CACNB2: variants seen among roughly 807,000 people sequenced by gnomAD.
CACNB2 encodes voltage-dependent L-type calcium channel subunit beta-2.
Under a neutral mutation model 73.3 loss-of-function variants are expected in CACNB2, and 42 were observed. The ratio of observed to expected loss-of-function variants is 0.57; its 90% confidence interval spans 0.45 to 0.74. The LOEUF (loss-of-function observed/expected upper bound fraction) is 0.74, where lower values mean the gene tolerates loss of function less well. Ranked by LOEUF, CACNB2 falls within the 30% of genes least tolerant of loss-of-function variation. The pLI, the probability that CACNB2 is intolerant of heterozygous loss-of-function variation, is 0.00. For missense variants in CACNB2, 940 were observed against 853.0 expected (o/e 1.10, Z -1.27); for synonymous variants, 348 against 310.3 (o/e 1.12, Z -1.28).
In CACNB2 at chr10:18,532,693, A is replaced by C. The variant is rs11014692; in HGVS notation, c.1055-1383A>C. ...CTCTGTCTCAAAAAAAAAAAAAAAA[A>C]AAACAAAACAAAAAAACAAACAAAC... On this transcript the variant is annotated intron_variant, in intron 10 of 13. Transcript: ENST00000324631. Among the ~76,000 whole-genome samples, 370 of 81,738 alleles carry C rather than the reference A, an allele frequency of 4.5e-3. 5 individuals are homozygous for C. Among genetic ancestry groups the C allele is most frequent in the African/African-American group, 0.018 (355 of 19,400 alleles). The allele number at this position is 81,738 out of a possible 152,430, so 53.6% of individuals were successfully genotyped here.
chr10:18,173,133 T>A (rs1337312574), intron 2 of CACNB2, among the ~76,000 whole-genome samples: 1 of 152,106 alleles, frequency 6.6e-6, no homozygotes, highest in Admixed American at 6.5e-5. Context: ...TTGGCCAGAC[T>A]GATCTAGACC....
At chr10:18,526,854 CA>C (rs1461881264) in intron 9 of CACNB2, among the ~76,000 whole-genome samples, 2 of 152,118 alleles carry the variant, frequency 1.3e-5, no homozygotes, top group African/African-American at 4.8e-5. Flanking sequence ...TGAACTATGG[CA>C]CAGAGACTAG....
rs1028262583 is a variant in CACNB2 at position 18,359,027 on chromosome 10, A to C, written c.214-42897A>C. On this transcript the variant is annotated intron_variant, in intron 2 of 13. Transcript: ENST00000324631. ...CAGCTTTAATACAGGCCTGAATTTA[A>C]CTGGCAAATAGTGACACAAATTGTC... 4.6e-5 allele frequency among the ~76,000 whole-genome samples: 7 copies of C among 152,138 alleles called. No homozygotes were observed. The South Asian group carries it at 1.2e-3, about 27-fold the overall frequency.
chr10:18,304,241 C>T (rs1228461690), intron 2 of CACNB2, among the ~76,000 whole-genome samples: 3 of 152,170 alleles, frequency 2.0e-5, no homozygotes, highest in African/African-American at 7.2e-5. Context: ...TAGGTGTGAG[C>T]CACTTCACCC....
chr10:18,402,449 G>C (rs2044055887), intron 3 of CACNB2, among the ~76,000 whole-genome samples: 1 of 149,768 alleles, frequency 6.7e-6, no homozygotes. Flanking sequence ...GACTTGAACA[G>C]TTTTTCCCCT....
chr10:18,204,560 T>C (rs1338838179), intron 2 of CACNB2, among the ~76,000 whole-genome samples: 1 of 152,270 alleles, frequency 6.6e-6, no homozygotes, highest in Admixed American at 6.5e-5. Context: ...AAACCTGTCA[T>C]AGGATTCAAA....
intron 2 of CACNB2, among the ~76,000 whole-genome samples, chr10:18,186,628 G>T (rs1195158035): frequency 6.6e-6 from 1 of 152,102 alleles, no homozygotes; most frequent in Non-Finnish European, 1.5e-5. Flanking sequence ...GCAAGCAAGA[G>T]AGGGTGGAGG....
Position 18,150,879 on chromosome 10 carries a change from T to TTTTTTTTTTC in CACNB2, c.121-3_121-2insTTTTTTTTCT, listed in dbSNP as rs769211879. ...TCTTTTTTTTTTTTTTTTTTTTTTTTTAGTCATATGGAAAAGGAGCCAGAA... is the reference window on the plus strand; with the variant it reads ...TCTTTTTTTTTTTTTTTTTTTTTTTTTTTTTTTTTCTAGTCATATGGAAAAGGAGCCAGAA... On this transcript the variant is annotated splice_region_variant and splice_polypyrimidine_tract_variant and intron_variant, in intron 1 of 13. Coordinates refer to ENST00000324631, the MANE Select transcript of CACNB2 (RefSeq NM_201596.3). 1 of 1,232,416 alleles carries TTTTTTTTTTC rather than the reference T, an allele frequency of 8.1e-7. No individual in the cohort carries two copies. Among genetic ancestry groups the TTTTTTTTTTC allele is most frequent in the Non-Finnish European group, 1.1e-6 (1 of 897,058 alleles). 76.3% of individuals were successfully genotyped at this position (1,232,416 alleles called of 1,614,324 possible). A position where few individuals can be genotyped will look rare whatever the true frequency, so the allele number is the denominator to read the frequency against.
At chr10:18,222,074 G>A (rs553032289) in intron 2 of CACNB2, among the ~76,000 whole-genome samples, 24 of 152,300 alleles carry the variant, frequency 1.6e-4, no homozygotes, top group African/African-American at 5.8e-4. Context: ...ACAAGGAAAG[G>A]AAGAACCTGG....
intron 2 of CACNB2, among the ~76,000 whole-genome samples, chr10:18,186,924 G>A (rs2034181173): frequency 6.6e-6 from 1 of 152,186 alleles, no homozygotes; most frequent in African/African-American, 2.4e-5. Flanking sequence ...CGCCCTAGGG[G>A]TTTAATAGTA....
intron 2 of CACNB2, among the ~76,000 whole-genome samples, chr10:18,268,313 G>T (rs766792182): frequency 6.6e-5 from 10 of 152,172 alleles, no homozygotes. Flanking sequence ...TCTCAGAAAA[G>T]TCTAGTCTAG....
At chr10:18,482,198 G>A (rs2048817220) in intron 3 of CACNB2, among the ~76,000 whole-genome samples, 1 of 152,024 alleles carries the variant, frequency 6.6e-6, no homozygotes, top group Non-Finnish European at 1.5e-5. Context: ...TCTCTTATTG[G>A]TTTTTACAGA....
rs954535824 is a variant in CACNB2 at position 18,433,465 on chromosome 10, G to A, written c.333+31422G>A. Among the ~76,000 whole-genome samples, 3 of 152,126 alleles carry A rather than the reference G, an allele frequency of 2.0e-5. No individual in the cohort carries two copies. In the East Asian group the frequency reaches 5.8e-4, roughly 29 times the overall value. On this transcript the variant is annotated intron_variant, in intron 3 of 13. Transcript: ENST00000324631. ...TGATTGTATTGCTGTTGTTATCCAA[G>A]ACCAAGCACTTAGGAAAAATAGCTG...
At chr10:18,311,168 C>T (rs1053807995) in intron 2 of CACNB2, among the ~76,000 whole-genome samples, 2 of 152,088 alleles carry the variant, frequency 1.3e-5, no homozygotes, top group African/African-American at 4.8e-5. Context: ...GGTTTATCTG[C>T]TTATTTTGGA....
intron 12 of CACNB2, among the ~76,000 whole-genome samples, chr10:18,536,981 A>C (rs2053666678): frequency 6.6e-6 from 1 of 152,106 alleles, no homozygotes; most frequent in Non-Finnish European, 1.5e-5. Flanking sequence ...GAGGTATTAG[A>C]GCTTTCCTAG....
rs555414248 is a variant in CACNB2, at chr10:18,303,216, GA to G, written c.214-98707del. On this transcript the variant is annotated intron_variant, in intron 2 of 13. Coordinates refer to ENST00000324631, the MANE Select transcript of CACNB2 (RefSeq NM_201596.3). Reference sequence around the variant, plus strand: ...GGATGTGAGAAATGTTTAAGAAAGGGAGAAGGCCAGGCATGGTGACTCATCC... The same window carrying G: ...GGATGTGAGAAATGTTTAAGAAAGGGGAAGGCCAGGCATGGTGACTCATCC... 2.5e-3 allele frequency among the ~76,000 whole-genome samples: 379 copies of G among 152,246 alleles called. 1 individual carries two copies. The highest frequency in any genetic ancestry group is 8.7e-3 in the African/African-American group (362 of 41,532).
At chr10:18,164,358 T>C (rs983919565) in intron 2 of CACNB2, among the ~76,000 whole-genome samples, 2 of 152,194 alleles carry the variant, frequency 1.3e-5, no homozygotes, top group African/African-American at 4.8e-5. Context: ...ATTCTCTCTC[T>C]GCCTCAGGCC....
intron 3 of CACNB2, among the ~76,000 whole-genome samples, chr10:18,472,934 T>G (rs1487102953): frequency 6.6e-6 from 1 of 152,222 alleles, no homozygotes; most frequent in African/African-American, 2.4e-5. Flanking sequence ...CCACCCCAGC[T>G]GCTGAAAATG....
intron 2 of CACNB2, among the ~76,000 whole-genome samples, chr10:18,262,751 T>C (rs1365659261): frequency 6.6e-6 from 1 of 152,218 alleles, no homozygotes; most frequent in African/African-American, 2.4e-5. Context: ...TCTTGTATAA[T>C]GAATTAGAAG....
Sources: gnomAD v4.1 joint callset for allele counts (sites outside exome capture counted in the v4.1 genomes callset) on GRCh38, gnomAD v4.1.1 for gene constraint, MANE v1.5 for transcripts, NCBI Gene and HGNC (gene_info 2026-07-23, HGNC 2026-07-21) for gene names.